Variants in AKAP19 observed in about 807,000 individuals in gnomAD.
The protein encoded by AKAP19 is A-kinase anchoring protein 19, also known as small A-kinase anchoring protein.
At chr2:189,958,925 G>A in the AKAP19 span, among the ~76,000 whole-genome samples, 1 of 152,074 alleles carries the variant, frequency 6.6e-6, no homozygotes, top group Non-Finnish European at 1.5e-5. Flanking sequence ...AGCTGCAACT[G>A]TATGTGGTAC....
chr2:189,897,633 T>G, the AKAP19 span, among the ~76,000 whole-genome samples: 1 of 152,224 alleles, frequency 6.6e-6, no homozygotes, highest in East Asian at 1.9e-4. Context: ...GGAAATAGTT[T>G]GCATCAGCTT....
the AKAP19 span, among the ~76,000 whole-genome samples, chr2:189,965,360 C>A: frequency 1.3e-5 from 2 of 151,990 alleles, no homozygotes; most frequent in Non-Finnish European, 2.9e-5. Context: ...TAGAGAATTA[C>A]TAAAATGTGA....
the AKAP19 span, among the ~76,000 whole-genome samples, chr2:190,045,846 G>A: frequency 6.6e-6 from 1 of 152,174 alleles, no homozygotes; most frequent in East Asian, 1.9e-4. Flanking sequence ...GAAAGCCTGA[G>A]TATCTAAGGC....
the AKAP19 span, among the ~76,000 whole-genome samples, chr2:190,011,512 G>T: frequency 6.6e-6 from 1 of 152,202 alleles, no homozygotes; most frequent in Non-Finnish European, 1.5e-5. Flanking sequence ...TTGCCCAGAT[G>T]AATGTCATGT....
the AKAP19 span, chr2:190,079,157 A>T: frequency 6.6e-6 from 1 of 152,176 alleles, no homozygotes; most frequent in Non-Finnish European, 1.5e-5. Context: ...TTTCAACTTA[A>T]CATGTCCAAG....
the AKAP19 span, among the ~76,000 whole-genome samples, chr2:189,916,354 A>T: frequency 1.4e-5 from 2 of 138,240 alleles, no homozygotes; most frequent in East Asian, 4.2e-4. Context: ...TTGGAGACAG[A>T]GCTGTCGCCC....
At chr2:189,886,981 C>G in the AKAP19 span, among the ~76,000 whole-genome samples, 1 of 151,580 alleles carries the variant, frequency 6.6e-6, no homozygotes, top group East Asian at 1.9e-4. Flanking sequence ...CTTGTTCTTG[C>G]TTTTTTTTAA....
the AKAP19 span, among the ~76,000 whole-genome samples, chr2:190,032,926 G>A: frequency 6.6e-6 from 1 of 151,812 alleles, no homozygotes; most frequent in Non-Finnish European, 1.5e-5. Flanking sequence ...TTTTTTCAAT[G>A]CAGTTAATAT....
the AKAP19 span, among the ~76,000 whole-genome samples, chr2:189,935,639 C>T: frequency 6.6e-6 from 1 of 152,008 alleles, no homozygotes; most frequent in African/African-American, 2.4e-5. Context: ...TTTGTTACTG[C>T]TTGTAGCAAA....
the AKAP19 span, among the ~76,000 whole-genome samples, chr2:190,038,298 C>A: frequency 6.6e-6 from 1 of 152,152 alleles, no homozygotes; most frequent in Non-Finnish European, 1.5e-5. Flanking sequence ...GCCAGTCCAG[C>A]AGCCTGTTCA....
chr2:190,162,569 T>C, the AKAP19 span, among the ~76,000 whole-genome samples: 1 of 152,298 alleles, frequency 6.6e-6, no homozygotes, highest in Middle Eastern at 3.4e-3. Flanking sequence ...TTATGACTAT[T>C]GAGGTAAGGC....
At chr2:189,963,952 C>G in the AKAP19 span, among the ~76,000 whole-genome samples, 1 of 152,106 alleles carries the variant, frequency 6.6e-6, no homozygotes, top group African/African-American at 2.4e-5. Context: ...TTTCTACAGA[C>G]AGGCTTTTGC....
the AKAP19 span, among the ~76,000 whole-genome samples, chr2:190,107,188 C>A: frequency 1.3e-5 from 2 of 152,144 alleles, no homozygotes; most frequent in East Asian, 3.8e-4. Flanking sequence ...GTGGAAAGAA[C>A]CTTCAGAATG....
At chr2:190,180,596 G>A in the AKAP19 span, 1 of 985,782 alleles carries the variant, frequency 1.0e-6, no homozygotes, top group Non-Finnish European at 1.2e-6. This position sits in a 1 kb window ranked among gnomAD's most constrained non-coding sequence, Gnocchi z 6.8. Context: ...GAGGGCGGTG[G>A]CCCAGACCAA....
the AKAP19 span, among the ~76,000 whole-genome samples, chr2:190,041,691 C>T: frequency 3.7e-4 from 56 of 152,226 alleles, no homozygotes; most frequent in African/African-American, 1.3e-3. Context: ...TATGTTCCTT[C>T]AATACCTAAT....
At chr2:190,178,863 A>G in the AKAP19 span, among the ~76,000 whole-genome samples, 1 of 152,332 alleles carries the variant, frequency 6.6e-6, no homozygotes, top group Admixed American at 6.5e-5. The surrounding 1 kb of genome is among the most constrained non-coding windows in gnomAD (Gnocchi z 6.3). Context: ...TCCTCTGCCT[A>G]GATCACATCA....
the AKAP19 span, among the ~76,000 whole-genome samples, chr2:189,894,494 A>T: frequency 6.6e-6 from 1 of 152,118 alleles, no homozygotes; most frequent in African/African-American, 2.4e-5. Context: ...CACTGAACTC[A>T]CTGAGTTTCA....
At chr2:189,885,164 A>C in the AKAP19 span, among the ~76,000 whole-genome samples, 6 of 152,186 alleles carry the variant, frequency 3.9e-5, no homozygotes, top group Admixed American at 2.0e-4. Context: ...CTGTTCCTCC[A>C]CTCTCGAATC....
chr2:189,895,316 G>C, the AKAP19 span, among the ~76,000 whole-genome samples: 1 of 152,070 alleles, frequency 6.6e-6, no homozygotes, highest in Non-Finnish European at 1.5e-5. Context: ...ACTCCAGCTG[G>C]CCAAAATCTC....
Sources: allele counts gnomAD v4.1 joint callset (sites outside exome capture counted in the v4.1 genomes callset), GRCh38; gene constraint gnomAD v4.1.1; non-coding constraint Gnocchi (gnomAD v3.1); transcripts MANE v1.5; gene names NCBI Gene and HGNC (gene_info 2026-07-23, HGNC 2026-07-21).